Variants in IQCJ observed in about 807,000 individuals in gnomAD.
The protein encoded by IQCJ is IQ motif containing J.
A neutral mutation model predicts 11.0 loss-of-function variants in IQCJ; 9 were observed. That is an observed-to-expected ratio of 0.82 (90% CI 0.49 to 1.43). IQCJ has a LOEUF of 1.43. IQCJ is among the 40% of genes most tolerant of loss of function. The probability of loss-of-function intolerance (pLI) is 0.00; values close to 1 mark genes in which losing one functional copy is unlikely to be tolerated. For synonymous variants in IQCJ, 55 were observed against 51.3 expected (o/e 1.07, Z -0.31); for missense variants, 146 against 133.2 (o/e 1.10, Z -0.47).
chr3:159,132,582 T>C (rs971777439), intron 1 of IQCJ, among the ~76,000 whole-genome samples: 1 of 152,174 alleles, frequency 6.6e-6, no homozygotes, highest in Non-Finnish European at 1.5e-5. Context: ...TTTCCTGCCT[T>C]TGGATGCTTT....
chr3:159,161,335 GA>G (rs1168632681), intron 1 of IQCJ, among the ~76,000 whole-genome samples: 1 of 152,200 alleles, frequency 6.6e-6, no homozygotes, highest in Non-Finnish European at 1.5e-5. Context: ...CTTCTTTTGA[GA>G]AGTGTCTGTT....
At chr3:159,146,442 C>T (rs1343940524) in intron 1 of IQCJ, among the ~76,000 whole-genome samples, 1 of 152,136 alleles carries the variant, frequency 6.6e-6, no homozygotes, top group Non-Finnish European at 1.5e-5. Context: ...TAGATTTCAG[C>T]CACATAAAAG....
At chr3:159,092,391 T>C (rs77909046) in intron 1 of IQCJ, among the ~76,000 whole-genome samples, 15 of 151,850 alleles carry the variant, frequency 9.9e-5, no homozygotes, top group Admixed American at 5.9e-4. Flanking sequence ...CTCTCTACCC[T>C]GTATAAAGAC....
intron 1 of IQCJ, among the ~76,000 whole-genome samples, chr3:159,226,287 C>T (rs1033834076): frequency 2.0e-5 from 3 of 152,198 alleles, no homozygotes; most frequent in African/African-American, 7.2e-5. Context: ...AACCAGCCCT[C>T]ATCATGAAGC....
intron 1 of IQCJ, among the ~76,000 whole-genome samples, chr3:159,163,444 A>C (rs1054095137): frequency 1.9e-4 from 29 of 152,220 alleles, no homozygotes; most frequent in Admixed American, 2.6e-4. Context: ...AGAGCTATCT[A>C]TGACAAACCC....
At chr3:159,225,381 G>A (rs540073660) in intron 1 of IQCJ, among the ~76,000 whole-genome samples, 14 of 152,138 alleles carry the variant, frequency 9.2e-5, no homozygotes, top group African/African-American at 3.1e-4. Context: ...GTAAGGATTT[G>A]GGAAAGGAGG....
chr3:159,259,947 A>G, intron 3 of IQCJ, among the ~76,000 whole-genome samples: 1 of 152,374 alleles, frequency 6.6e-6, no homozygotes, highest in African/African-American at 2.4e-5. Flanking sequence ...GGATGACTAT[A>G]AAATAAATAT....
At chr3:159,144,050 G>A (rs1486455582) in intron 1 of IQCJ, among the ~76,000 whole-genome samples, 2 of 152,144 alleles carry the variant, frequency 1.3e-5, no homozygotes, top group African/African-American at 4.8e-5. Flanking sequence ...TCATGAGGGT[G>A]CAGCCCTTAT....
chr3:159,213,887 C>A (rs1328029641), intron 1 of IQCJ, among the ~76,000 whole-genome samples: 2 of 152,148 alleles, frequency 1.3e-5, no homozygotes. Flanking sequence ...ACTTCTGTGA[C>A]CCCATTTTCT....
chr3:159,168,797 A>G (rs1577056780), intron 1 of IQCJ, among the ~76,000 whole-genome samples: 1 of 151,658 alleles, frequency 6.6e-6, no homozygotes, highest in African/African-American at 2.4e-5. Context: ...AAACACTTTT[A>G]AGCCATATGT....
chr3:159,119,567 A>G (rs1719229508), intron 1 of IQCJ, among the ~76,000 whole-genome samples: 1 of 152,220 alleles, frequency 6.6e-6, no homozygotes, highest in African/African-American at 2.4e-5. Context: ...AAAACATTCC[A>G]TGAAGTAGTA....
chr3:159,263,859 G>A (rs1728354383), downstream of IQCJ: 1 of 968,960 alleles, frequency 1.0e-6, no homozygotes, highest in African/African-American at 1.8e-5. Context: ...TGAACATTTA[G>A]TGAATCTTCA....
At chr3:159,086,058 T>G (rs1716740482) in intron 1 of IQCJ, among the ~76,000 whole-genome samples, 1 of 152,236 alleles carries the variant, frequency 6.6e-6, no homozygotes, top group Non-Finnish European at 1.5e-5. Context: ...AGATCTAACA[T>G]TTAAGCCTTT....
intron 1 of IQCJ, among the ~76,000 whole-genome samples, chr3:159,085,380 A>C (rs886748324): frequency 1.3e-5 from 2 of 152,184 alleles, no homozygotes. Context: ...ATAAACATAC[A>C]TGTGCATGTG....
chr3:159,160,644 T>C (rs2108218514), intron 1 of IQCJ, among the ~76,000 whole-genome samples: 1 of 151,852 alleles, frequency 6.6e-6, no homozygotes, highest in Admixed American at 6.6e-5. Context: ...AACTCGTCAT[T>C]TAGCATTAGG....
At chr3:159,151,303 C>T (rs750688736) in intron 1 of IQCJ, among the ~76,000 whole-genome samples, 14 of 152,204 alleles carry the variant, frequency 9.2e-5, no homozygotes, top group East Asian at 1.9e-4. Flanking sequence ...GAATGCCAGC[C>T]GGCCCTGTGC....
At chr3:159,201,543 A>C (rs75633692) in intron 1 of IQCJ, among the ~76,000 whole-genome samples, 1 of 150,598 alleles carries the variant, frequency 6.6e-6, no homozygotes, top group Non-Finnish European at 1.5e-5. Context: ...GTGTGTAAAA[A>C]CCATTTATTT....
intron 1 of IQCJ, among the ~76,000 whole-genome samples, chr3:159,126,083 A>G (rs554544944): frequency 1.3e-5 from 2 of 152,332 alleles, no homozygotes; most frequent in South Asian, 2.1e-4. Context: ...AATTCCATGT[A>G]TAAGCTCCAA....
intron 1 of IQCJ, among the ~76,000 whole-genome samples, chr3:159,184,272 A>G (rs556500028): frequency 1.3e-5 from 2 of 151,950 alleles, no homozygotes; most frequent in Non-Finnish European, 2.9e-5. Context: ...TCTTTACCCT[A>G]TCTGAAACAC....
Sources: gnomAD v4.1 joint callset for allele counts (sites outside exome capture counted in the v4.1 genomes callset) on GRCh38, gnomAD v4.1.1 for gene constraint, MANE v1.5 for transcripts, NCBI Gene and HGNC (gene_info 2026-07-23, HGNC 2026-07-21) for gene names.